ZNF521: variants seen among roughly 807,000 people sequenced by gnomAD.
The protein encoded by ZNF521 is LYST-interacting protein 3.
ZNF521 carries 14 observed loss-of-function variants against 105.5 expected under a neutral mutation model. That is an observed-to-expected ratio of 0.13 (90% CI 0.09 to 0.21). The LOEUF (loss-of-function observed/expected upper bound fraction) is 0.21. ZNF521 is among the 10% of genes least tolerant of loss of function. The pLI is 1.00. For synonymous variants in ZNF521, 635 were observed against 606.0 expected (o/e 1.05, Z -0.70); for missense variants, 1,233 against 1,629.7 (o/e 0.76, Z 4.19).
intron 3 of ZNF521, among the ~76,000 whole-genome samples, chr18:25,278,728 T>C (rs2144977674): frequency 7.6e-6 from 1 of 131,258 alleles, no homozygotes; most frequent in Non-Finnish European, 1.6e-5. Flanking sequence ...GCTTCTAATT[T>C]TTCCTCCTCT....
At chr18:25,284,892 T>G (rs187367511) in intron 3 of ZNF521, among the ~76,000 whole-genome samples, 5 of 148,616 alleles carry the variant, frequency 3.4e-5, no homozygotes, top group Admixed American at 2.7e-4. Context: ...ACACAAACAC[T>G]CATGTGCGTG....
At chr18:25,185,793 A>C (rs910012342) in intron 5 of ZNF521, among the ~76,000 whole-genome samples, 2 of 152,204 alleles carry the variant, frequency 1.3e-5, no homozygotes, top group African/African-American at 4.8e-5. Flanking sequence ...AAATTTGGGG[A>C]GAAACGGAAG....
chr18:25,158,374 C>A (rs1001145502), intron 5 of ZNF521, among the ~76,000 whole-genome samples: 1 of 152,000 alleles, frequency 6.6e-6, no homozygotes, highest in Non-Finnish European at 1.5e-5. Context: ...CCACCTCTTA[C>A]AGTTCTGAGT....
chr18:25,136,352 G>A (rs2034733814), intron 5 of ZNF521, among the ~76,000 whole-genome samples: 1 of 152,008 alleles, frequency 6.6e-6, no homozygotes, highest in Admixed American at 6.6e-5. Context: ...TCACATTTCA[G>A]GTAAGAAAAC....
At chr18:25,232,962 C>T (rs141932229) in intron 3 of ZNF521, among the ~76,000 whole-genome samples, 205 of 152,256 alleles carry the variant, frequency 1.3e-3, no homozygotes, top group African/African-American at 4.7e-3. Context: ...CTTTTTCAGT[C>T]ATTAGCTACC....
chr18:25,129,291 CTG>C (rs143866962), intron 5 of ZNF521, among the ~76,000 whole-genome samples: 22,483 of 146,458 alleles, frequency 0.15, 2,059 homozygotes, highest in South Asian at 0.24. Flanking sequence ...ATTAATTAAT[CTG>C]TGTCTAGATT....
At chr18:25,264,511 T>C (rs1034790643) in intron 3 of ZNF521, among the ~76,000 whole-genome samples, 1 of 152,198 alleles carries the variant, frequency 6.6e-6, no homozygotes, top group Non-Finnish European at 1.5e-5. Flanking sequence ...ATTTGATTCA[T>C]TTATCAATTT....
Position 25,226,495 on chromosome 18 carries a change from T to G in ZNF521, c.1423A>C (p.Ile475Leu), listed in dbSNP as rs750906638. The G allele has an allele frequency of 1.2e-6, 2 of 1,614,034 alleles. No individual in the cohort carries two copies. The highest frequency in any genetic ancestry group is 4.5e-5 in the East Asian group (2 of 44,878). ...GAACAGAAGTTACACTGGTAGACAA[T>G]GGCAGGCATGGCAGAAACAATCAGA... is the stretch of plus-strand genomic sequence containing the variant. Reference protein sequence around the residue: ...PGLIVSAMPAIVYQCNFCSEV... With the variant: ...PGLIVSAMPALVYQCNFCSEV... Residue 475 changes from isoleucine (I) to leucine (L), a missense_variant, in exon 4 of 8, where the codon ATT (isoleucine) becomes CTT (leucine). This residue lies in a region of ZNF521 where 380 missense variants were observed against 478.0 expected (regional missense o/e 0.80). Transcript: ENST00000361524. This position sits in a 1 kb window ranked among gnomAD's most constrained non-coding sequence, Gnocchi z 4.1.
rs866751728 is a variant in ZNF521 at position 25,076,422 on chromosome 18, T to A, written c.3906+13043A>T. On this transcript the variant is annotated intron_variant, in intron 7 of 7. Transcript: ENST00000361524. Reference sequence around the variant, plus strand: ...TGAAACTTAAAGTTGTCACCAAAAATTGCAGGATGATAGGAGTCATATTCT... The same window carrying A: ...TGAAACTTAAAGTTGTCACCAAAAAATGCAGGATGATAGGAGTCATATTCT... Among the ~76,000 whole-genome samples the A allele has an allele frequency of 8.5e-5, 13 of 152,294 alleles. 2 individuals are homozygous for A. The highest frequency in any genetic ancestry group is 6.8e-3 in the Middle Eastern group (2 of 294).
At chr18:25,279,180 T>C (rs894164340) in intron 3 of ZNF521, among the ~76,000 whole-genome samples, 3 of 152,216 alleles carry the variant, frequency 2.0e-5, no homozygotes, top group Admixed American at 6.5e-5. Flanking sequence ...GCATTGTTTA[T>C]ACAACAAGAA....
chr18:25,286,697 C>T (rs755455716), intron 3 of ZNF521, among the ~76,000 whole-genome samples: 4 of 151,850 alleles, frequency 2.6e-5, no homozygotes, highest in Non-Finnish European at 5.9e-5. Flanking sequence ...CAACTAAACA[C>T]CATTTGGGTA....
At chr18:25,254,593 AC>A (rs1483044147) in intron 3 of ZNF521, among the ~76,000 whole-genome samples, 1 of 152,060 alleles carries the variant, frequency 6.6e-6, no homozygotes, top group African/African-American at 2.4e-5. Flanking sequence ...GCTTCTATAA[AC>A]CCAACCTGAA....
chr18:25,123,224 T>G (rs1462835222), intron 5 of ZNF521, among the ~76,000 whole-genome samples: 1 of 151,882 alleles, frequency 6.6e-6, no homozygotes. Flanking sequence ...TGTTTTTGCC[T>G]CAAAGATTCA....
intron 7 of ZNF521, among the ~76,000 whole-genome samples, chr18:25,083,376 A>G (rs913402412): frequency 5.9e-5 from 9 of 152,222 alleles, no homozygotes; most frequent in African/African-American, 1.9e-4. Context: ...AAGTTCTGAT[A>G]TGTCTGAGGT....
chr18:25,077,449 C>T (rs1408382227), intron 7 of ZNF521, among the ~76,000 whole-genome samples: 2 of 152,166 alleles, frequency 1.3e-5, no homozygotes, highest in African/African-American at 4.8e-5. Flanking sequence ...ACAGAGTTCA[C>T]GTCCTCTCTA....
At chr18:25,318,768 T>G (rs987154315) in intron 3 of ZNF521, among the ~76,000 whole-genome samples, 1 of 152,052 alleles carries the variant, frequency 6.6e-6, no homozygotes, top group Non-Finnish European at 1.5e-5. Context: ...TACTTGTATA[T>G]GTGTGAATTT....
chr18:25,236,649 A>C (rs1279158540), intron 3 of ZNF521, among the ~76,000 whole-genome samples: 1 of 152,162 alleles, frequency 6.6e-6, no homozygotes, highest in Non-Finnish European at 1.5e-5. Context: ...TATACAATAG[A>C]ATTTTTATAG....
intron 7 of ZNF521, among the ~76,000 whole-genome samples, chr18:25,088,952 A>G (rs1393148768): frequency 1.3e-5 from 2 of 152,236 alleles, no homozygotes; most frequent in Non-Finnish European, 2.9e-5. Context: ...CTTTGGGTGC[A>G]AAATTTTCAA....
At chr18:25,074,532 C>T (rs188814433) in intron 7 of ZNF521, among the ~76,000 whole-genome samples, 4 of 152,116 alleles carry the variant, frequency 2.6e-5, no homozygotes, top group African/African-American at 9.7e-5. Context: ...CTAAAATCAT[C>T]CCGGTTTATT....
Sources: allele counts gnomAD v4.1 joint callset (sites outside exome capture counted in the v4.1 genomes callset), GRCh38; gene constraint gnomAD v4.1.1; regional missense constraint gnomAD v4.1.1; non-coding constraint Gnocchi (gnomAD v3.1); transcripts MANE v1.5; gene names NCBI Gene and HGNC (gene_info 2026-07-23, HGNC 2026-07-21).